The following PTPRT variants were observed in gnomAD, a reference collection of about 807,000 sequenced individuals.
PTPRT encodes the protein receptor-type tyrosine-protein phosphatase T.
In PTPRT, 56 loss-of-function variants were observed where a neutral mutation model predicts 176.8. The observed-to-expected ratio is 0.32, with a 90% CI of 0.26 to 0.40. The LOEUF is 0.40. PTPRT is among the 10% of genes least tolerant of loss of function. PTPRT has a pLI of 1.00. For synonymous variants in PTPRT, 783 were observed against 739.0 expected (o/e 1.06, Z -0.96); for missense variants, 1,540 against 1,908.2 (o/e 0.81, Z 3.60).
chr20:42,793,860 C>T (rs2077413368), intron 2 of PTPRT, among the ~76,000 whole-genome samples: 1 of 152,130 alleles, frequency 6.6e-6, no homozygotes, highest in South Asian at 2.1e-4. Context: ...TTTGTGACTG[C>T]CTCTGCCACT....
At chr20:42,663,115 G>A (rs1436567262) in intron 7 of PTPRT, among the ~76,000 whole-genome samples, 2 of 151,998 alleles carry the variant, frequency 1.3e-5, no homozygotes, top group Non-Finnish European at 2.9e-5. Flanking sequence ...AAGAAGGGTT[G>A]TTTCCATTCA....
At chr20:42,911,172 G>T in intron 1 of PTPRT, among the ~76,000 whole-genome samples, 1 of 150,674 alleles carries the variant, frequency 6.6e-6, no homozygotes, top group East Asian at 1.9e-4. Context: ...TTTAAATCAT[G>T]GTGACTCTCT....
chr20:42,499,595 T>A (rs2071716131), intron 7 of PTPRT, among the ~76,000 whole-genome samples: 1 of 152,164 alleles, frequency 6.6e-6, no homozygotes, highest in Admixed American at 6.5e-5. Context: ...TGGCCAATTT[T>A]AACTTTTTAA....
At chr20:43,072,903 C>T (rs144678229) in intron 1 of PTPRT, among the ~76,000 whole-genome samples, 203 of 152,270 alleles carry the variant, frequency 1.3e-3, no homozygotes, top group Admixed American at 3.0e-3. Context: ...AAGCTCACAT[C>T]CTTTTAAGTT....
chr20:43,041,243 C>T (rs1302067505), intron 1 of PTPRT, among the ~76,000 whole-genome samples: 2 of 152,188 alleles, frequency 1.3e-5, no homozygotes, highest in Admixed American at 1.3e-4. Context: ...GTTTGGCAAA[C>T]CATGGTCATA....
intron 1 of PTPRT, among the ~76,000 whole-genome samples, chr20:43,037,657 T>C (rs1313490532): frequency 6.6e-6 from 1 of 152,158 alleles, no homozygotes; most frequent in Non-Finnish European, 1.5e-5. Flanking sequence ...CTGTTTTTTT[T>C]TGTTTGTTTT....
chr20:42,803,569 T>A (rs1378027446), intron 2 of PTPRT, among the ~76,000 whole-genome samples: 1 of 152,218 alleles, frequency 6.6e-6, no homozygotes. Flanking sequence ...TTATTTATTT[T>A]TTGAGAAGGA....
chr20:43,109,848 A>C (rs2012785052), intron 1 of PTPRT, among the ~76,000 whole-genome samples: 1 of 152,168 alleles, frequency 6.6e-6, no homozygotes. Context: ...CTGGGGCCAA[A>C]AAGAAATTTG....
chr20:42,248,646 C>T (rs1568707656), intron 14 of PTPRT, 41 bp downstream of exon 14: 3 of 1,608,414 alleles, frequency 1.9e-6, no homozygotes, highest in Non-Finnish European at 1.7e-6. Context: ...TTGAGGTCAC[C>T]TCGGGTCAGC....
intron 1 of PTPRT, among the ~76,000 whole-genome samples, chr20:42,935,884 G>A (rs949332038): frequency 3.3e-5 from 5 of 152,092 alleles, no homozygotes; most frequent in Non-Finnish European, 7.3e-5. Context: ...CGAGTAGCTG[G>A]GATTACAGCA....
intron 1 of PTPRT, among the ~76,000 whole-genome samples, chr20:43,119,817 C>A (rs2013190937): frequency 6.6e-6 from 1 of 152,116 alleles, no homozygotes; most frequent in Non-Finnish European, 1.5e-5. Flanking sequence ...TCAGGAGTTT[C>A]CTCCAAGCAC....
intron 1 of PTPRT, among the ~76,000 whole-genome samples, chr20:43,134,244 T>A (rs180920017): frequency 6.6e-6 from 1 of 152,216 alleles, no homozygotes; most frequent in Non-Finnish European, 1.5e-5. Context: ...CAAATTTAGA[T>A]ACTGACAAAG....
chr20:42,888,969 C>G (rs1375612944), intron 1 of PTPRT, among the ~76,000 whole-genome samples: 1 of 152,172 alleles, frequency 6.6e-6, no homozygotes, highest in Non-Finnish European at 1.5e-5. Context: ...CTTCCTTCTT[C>G]TAGATAAGAT....
intron 6 of PTPRT, among the ~76,000 whole-genome samples, chr20:42,737,090 C>G (rs182296185): frequency 6.6e-6 from 1 of 152,168 alleles, no homozygotes; most frequent in Non-Finnish European, 1.5e-5. Context: ...CAACACCTAG[C>G]CCCTGGTACC....
intron 1 of PTPRT, among the ~76,000 whole-genome samples, chr20:43,031,591 A>G (rs1986139678): frequency 6.6e-6 from 1 of 152,214 alleles, no homozygotes. Flanking sequence ...TACAGACAAG[A>G]ACATGGAGGT....
chr20:43,035,485 G>A (rs1986340377), intron 1 of PTPRT, among the ~76,000 whole-genome samples: 1 of 152,220 alleles, frequency 6.6e-6, no homozygotes, highest in Admixed American at 6.5e-5. Context: ...GTGGTAAGTT[G>A]GACGTGGTCA....
At chr20:42,107,272 GAGAGGAGAGAGAAC>G (rs1376561209) in intron 23 of PTPRT, among the ~76,000 whole-genome samples, 2 of 152,136 alleles carry the variant, frequency 1.3e-5, no homozygotes, top group African/African-American at 2.4e-5. Context: ...AGCAAAGAAG[GAGAGGAGAGAGAAC>G]AGAGGGGAGA....
intron 6 of PTPRT, among the ~76,000 whole-genome samples, chr20:42,699,067 G>GA (rs1409235432): frequency 6.6e-6 from 1 of 152,138 alleles, no homozygotes; most frequent in Non-Finnish European, 1.5e-5. Flanking sequence ...GTCTCATGAT[G>GA]TTTTCTTTGC....
chr20:42,917,557 T>C (rs1282672361), intron 1 of PTPRT, among the ~76,000 whole-genome samples: 6 of 152,198 alleles, frequency 3.9e-5, no homozygotes, highest in Admixed American at 2.6e-4. Context: ...TTGGGCAGTA[T>C]GGCCATTTTC....
Sources: allele counts gnomAD v4.1 joint callset (sites outside exome capture counted in the v4.1 genomes callset), GRCh38; gene constraint gnomAD v4.1.1; transcripts MANE v1.5; gene names NCBI Gene and HGNC (gene_info 2026-07-23, HGNC 2026-07-21).